The following A3GALT2 variants were observed in gnomAD, a reference collection of about 807,000 sequenced individuals.
A3GALT2 encodes alpha 1,3-galactosyltransferase 2.
A3GALT2 carries 14 observed loss-of-function variants against 16.6 expected under a neutral mutation model. The observed-to-expected ratio is 0.84, with a 90% CI of 0.56 to 1.32. The LOEUF (loss-of-function observed/expected upper bound fraction) is 1.32. A3GALT2 is among the 40% of genes most tolerant of loss of function. The pLI, the probability that A3GALT2 is intolerant of heterozygous loss-of-function variation, is 0.00. For synonymous variants in A3GALT2, 253 were observed against 218.0 expected (o/e 1.16, Z -1.42); for missense variants, 600 against 490.9 (o/e 1.22, Z -2.10).
rs1260081148 is a variant in A3GALT2, at chr1:33,306,942, C to A, written c.847G>T (p.Gly283Cys). Residue 283 changes from glycine (G) to cysteine (C), a missense_variant, in exon 5 of 5, where the codon GGC (glycine) becomes TGC (cysteine). Physicochemically the swap from Gly to Cys is radical, Grantham distance 159 (BLOSUM62 -3). Transcript: ENST00000442999. ...TCGTCGTGCCAGCGCGCCTCCAGGC[C>A]GCGCGCGCGGTCCCAGTCCAGGCCC... ...AGGLDWDRAR[G>C]LEARWHDESH... 6 of 1,509,246 alleles carry A rather than the reference C, an allele frequency of 4.0e-6. No individual in the cohort carries two copies. Among genetic ancestry groups the A allele is most frequent in the Admixed American group, 4.3e-5 (2 of 46,600 alleles). 93.5% of individuals were successfully genotyped at this position (1,509,246 alleles called of 1,614,324 possible).
Position 33,312,827 on chromosome 1 carries a change from C to T in A3GALT2, c.87G>A (p.Leu29=). ...LLTLGLLGLF[L]YGLPKFRHLE... is the part of the protein sequence containing the mutation. ...TTTACCTGAATTTAGGGAGGCCATA[C>T]AGAAACAGGCCTAAGAGGCCAAGTG... The change falls in exon 2 of 5, where the codon CTG becomes CTA. Residue 29 remains leucine, a synonymous_variant. Coordinates refer to ENST00000442999, the MANE Select transcript of A3GALT2 (RefSeq NM_001080438.1). 2 of 1,603,342 alleles carry T rather than the reference C, an allele frequency of 1.2e-6. No individual in the cohort carries two copies. Among genetic ancestry groups the T allele is most frequent in the Non-Finnish European group, 1.7e-6 (2 of 1,175,004 alleles).
chr1:33,307,009 GC>G lies in A3GALT2; in HGVS notation c.779del (p.Gly260AlafsTer9). Reference protein sequence around the residue: ...DFYNHAAVFGGSVAALRGLTA... With the variant: ...DFYNHAAVFGXSVAALRGLTA... ...TCAGCCCGCGCAGCGCCGCCACGCTGCCCCCGAACACCGCCGCGTGGTTATA... is the reference window on the plus strand; with the variant it reads ...TCAGCCCGCGCAGCGCCGCCACGCTGCCCCGAACACCGCCGCGTGGTTATA... On this transcript the variant is annotated frameshift_variant, in exon 5 of 5. Transcript: ENST00000442999. LOFTEE classifies it low-confidence loss of function (END_TRUNC). The G allele has an allele frequency of 6.8e-7, 1 of 1,460,486 alleles. No individual in the cohort carries two copies. Among genetic ancestry groups the G allele is most frequent in the Admixed American group, 2.6e-5 (1 of 38,734 alleles). The allele number at this position is 1,460,486 out of a possible 1,614,324, so 90.5% of individuals were successfully genotyped here. A position where few individuals can be genotyped will look rare whatever the true frequency, so the allele number is the denominator to read the frequency against.
intron 4 of A3GALT2, among the ~76,000 whole-genome samples, chr1:33,308,164 T>G (rs1646207462): frequency 6.8e-6 from 1 of 146,610 alleles, no homozygotes; most frequent in African/African-American, 2.6e-5. Context: ...GGACTGAAGA[T>G]GCTTGCAAAT....
chr1:33,320,951 T>A lies in A3GALT2; in HGVS notation c.23+125A>T. 1 of 1,269,570 alleles carries A rather than the reference T, an allele frequency of 7.9e-7. No homozygotes were observed. Among genetic ancestry groups the A allele is most frequent in the Non-Finnish European group, 1.1e-6 (1 of 886,502 alleles). The allele number at this position is 1,269,570 out of a possible 1,614,324, so 78.6% of individuals were successfully genotyped here. On this transcript the variant is annotated intron_variant, in intron 1 of 4. Transcript: ENST00000442999. This position sits in a 1 kb window ranked among gnomAD's most constrained non-coding sequence, Gnocchi z 4.3. ...GCCACCTTTCCCCAGGACTGGAGGC[T>A]CAGCTGGTACTCCTGGGCTCACTCT...
chr1:33,312,060 A>C lies in A3GALT2; in HGVS notation c.327T>G (p.Ala109=). 6.2e-7 allele frequency: 1 copy of C among 1,613,562 alleles called. No individual in the cohort carries two copies. The highest frequency in any genetic ancestry group is 8.5e-7 in the Non-Finnish European group (1 of 1,179,762). The change falls in exon 4 of 5, where the codon GCT becomes GCG. Residue 109 remains alanine, a synonymous_variant. Transcript: ENST00000442999. ...QNLTIGLTIF[A]VGRYLEKYLE... is the part of the protein sequence containing the mutation. ...CCCTTCCCAGGCCTTACCTGCCTAC[A>C]GCAAAGATAGTCAGCCCAATGGTGA... is the stretch of plus-strand genomic sequence containing the variant.
At chr1:33,317,089 C>T (rs555437875) in intron 1 of A3GALT2, among the ~76,000 whole-genome samples, 2 of 152,168 alleles carry the variant, frequency 1.3e-5, no homozygotes, top group South Asian at 4.2e-4. Context: ...TGGAAAGCAC[C>T]CACAGAGAAG....
chr1:33,314,529 C>G (rs920095462), intron 1 of A3GALT2: 1 of 152,594 alleles, frequency 6.6e-6, no homozygotes. Flanking sequence ...TCCACCTGGG[C>G]ACTGTCTCTG....
intron 4 of A3GALT2, among the ~76,000 whole-genome samples, chr1:33,309,198 C>A (rs1263313389): frequency 6.6e-6 from 1 of 152,248 alleles, no homozygotes; most frequent in Non-Finnish European, 1.5e-5. Context: ...AATCTGATTT[C>A]TCTTTCTTTT....
intron 4 of A3GALT2, among the ~76,000 whole-genome samples, chr1:33,309,626 G>T (rs2148157766): frequency 6.6e-6 from 1 of 151,766 alleles, no homozygotes; most frequent in East Asian, 1.9e-4. Context: ...TCCCAGACGG[G>T]GTGGCGGTCG....
rs565347831 is a variant in A3GALT2, at chr1:33,320,779, G to A, written c.23+297C>T. 6.6e-6 allele frequency among the ~76,000 whole-genome samples: 1 copy of A among 152,098 alleles called. No homozygotes were observed. The highest frequency in any genetic ancestry group is 2.4e-5 in the African/African-American group (1 of 41,542). On this transcript the variant is annotated intron_variant, in intron 1 of 4. Transcript: ENST00000442999. The surrounding 1 kb of genome is among the most constrained non-coding windows in gnomAD (Gnocchi z 4.3). ...TGTACCCCCGGGTCTCTGCTTTCCG[G>A]CTCGCCAAGGGGGTTTAGAGTTAAG...
At position 33,308,750 on chromosome 1, in the gene A3GALT2, G is replaced by GTTGTTTTTTTTTTTTTT. The variant is rs1646216251; in HGVS notation, c.336-1298_336-1297insAAAAAAAAAAAAAACAA. On this transcript the variant is annotated intron_variant, in intron 4 of 4. Coordinates refer to ENST00000442999, the MANE Select transcript of A3GALT2 (RefSeq NM_001080438.1). ...ATTATTTTTTTGTCATGTCAAAGTT[G>GTTGTTTTTTTTTTTTTT]TTTTTTTTTTTTTTTTTTTTTTTTT... is the stretch of plus-strand genomic sequence containing the variant. Among the ~76,000 whole-genome samples the GTTGTTTTTTTTTTTTTT allele has an allele frequency of 6.3e-4, 29 of 46,124 alleles. 1 individual carries two copies. The highest frequency in any genetic ancestry group is 8.4e-4 in the Non-Finnish European group (22 of 26,306). The allele number at this position is 46,124 out of a possible 152,430, so 30.3% of individuals were successfully genotyped here.
intron 4 of A3GALT2, among the ~76,000 whole-genome samples, chr1:33,310,186 C>A (rs937402052): frequency 3.9e-5 from 6 of 152,208 alleles, no homozygotes; most frequent in Admixed American, 2.6e-4. Context: ...GCCTGCAATC[C>A]CAGGCACTCG....
chr1:33,307,437 G>C lies in A3GALT2; in HGVS notation c.352C>G (p.Leu118Val), dbSNP rs771741877. Residue 118 changes from leucine to valine, a missense_variant, in exon 5 of 5, where the codon CTG (leucine) becomes GTG (valine). Leu to Val is a conservative substitution (Grantham distance 32). Transcript: ENST00000442999. ...FAVGRYLEKY[L>V]ERFLETAEQH... ...TCCGCCGTCTCCAGGAAGCGCTCCA[G>C]GTACTTCTCCAGGTATCTAAGGGCG... 1 of 1,527,360 alleles carries C rather than the reference G, an allele frequency of 6.5e-7. No homozygotes were observed. The highest frequency in any genetic ancestry group is 8.7e-7 in the Non-Finnish European group (1 of 1,147,528). The allele number at this position is 1,527,360 out of a possible 1,614,324, so 94.6% of individuals were successfully genotyped here.
At chr1:33,308,368 G>A (rs1379594162) in intron 4 of A3GALT2, among the ~76,000 whole-genome samples, 1 of 151,944 alleles carries the variant, frequency 6.6e-6, no homozygotes, top group Admixed American at 6.6e-5. Flanking sequence ...ATGAGAAGAG[G>A]AGCCCTTCCT....
At chr1:33,312,259 A>C (rs751248618) in intron 3 of A3GALT2, 70 bp from the exon 4 acceptor site, 1 of 1,586,662 alleles carries the variant, frequency 6.3e-7, no homozygotes, top group Non-Finnish European at 8.6e-7. Context: ...GTTCACTGCC[A>C]CCTCCCCAGT....
At chr1:33,307,582 C>G in intron 4 of A3GALT2, 129 bp from the exon 5 acceptor site, 1 of 529,158 alleles carries the variant, frequency 1.9e-6, no homozygotes, top group Non-Finnish European at 2.8e-6. Context: ...CCACTCCCAC[C>G]CCACCCTCAC....
intron 1 of A3GALT2, 134 bp from the exon 2 acceptor site, chr1:33,313,024 G>C (rs76399999): frequency 1.4e-6 from 1 of 735,940 alleles, no homozygotes; most frequent in Non-Finnish European, 2.3e-6. Flanking sequence ...AGTGTTACCA[G>C]TTTCTTGTGC....
In A3GALT2 at chr1:33,307,420, C is replaced by T; in HGVS notation, c.369G>A (p.Glu123=). 1 of 1,543,434 alleles carries T rather than the reference C, an allele frequency of 6.5e-7. No homozygotes were observed. Among genetic ancestry groups the T allele is most frequent in the African/African-American group, 1.4e-5 (1 of 69,984 alleles). The part of the protein sequence containing the change: ...YLEKYLERFL[E]TAEQHFMAGQ... ...CCGCCATGAAGTGCTGCTCCGCCGT[C>T]TCCAGGAAGCGCTCCAGGTACTTCT... The change falls in exon 5 of 5, where the codon GAG becomes GAA. Residue 123 remains glutamate (E), a synonymous_variant. Transcript: ENST00000442999.
chr1:33,309,112 A>T (rs1191430132), intron 4 of A3GALT2, among the ~76,000 whole-genome samples: 1 of 152,030 alleles, frequency 6.6e-6, no homozygotes, highest in East Asian at 1.9e-4. Context: ...CAGCATCCCA[A>T]GGCAGAAGAA....
Sources: allele counts gnomAD v4.1 joint callset (sites outside exome capture counted in the v4.1 genomes callset), GRCh38; gene constraint gnomAD v4.1.1; non-coding constraint Gnocchi (gnomAD v3.1); transcripts MANE v1.5; gene names NCBI Gene and HGNC (gene_info 2026-07-23, HGNC 2026-07-21).